MAN1B1: variants seen among roughly 807,000 people sequenced by gnomAD.
MAN1B1 encodes the protein endoplasmic reticulum mannosyl-oligosaccharide 1,2-alpha-mannosidase.
Under a neutral mutation model 75.5 loss-of-function variants are expected in MAN1B1, and 66 were observed. That is an observed-to-expected ratio of 0.87 (90% CI 0.72 to 1.07). The LOEUF (loss-of-function observed/expected upper bound fraction) is 1.07, where lower values mean the gene tolerates loss of function less well. Ranked by LOEUF, MAN1B1 falls within the 50% of genes least tolerant of loss-of-function variation. The pLI is 0.00. For synonymous variants in MAN1B1, 453 were observed against 382.8 expected (o/e 1.18, Z -2.14); for missense variants, 973 against 912.5 (o/e 1.07, Z -0.85).
In MAN1B1 at chr9:137,106,689, G is replaced by C; in HGVS notation, c.1446G>C (p.Gln482His). 1.2e-6 allele frequency: 2 copies of C among 1,613,428 alleles called. No homozygotes were observed. The highest frequency in any genetic ancestry group is 1.6e-4 in the Middle Eastern group (1 of 6,062). ...GTGAGATGACTGCTGGTGTCCACAG[G>C]CTGCTGGAAGACTACGTGGAAGCCA... is the stretch of plus-strand genomic sequence containing the variant. ...QWIQGGKQET[Q>H]LLEDYVEAIE... is the part of the protein sequence containing the mutation. Residue 482 changes from glutamine (Q) to histidine (H), a missense_variant and splice_region_variant, in exon 10 of 13, where the codon CAG becomes CAC. Transcript: ENST00000371589.
chr9:137,101,757 A>G lies in MAN1B1; in HGVS notation c.1254+85A>G, dbSNP rs868192075. On this transcript the variant is annotated intron_variant, in intron 8 of 12. Transcript: ENST00000371589. ...CAGCAGGTACTGTGTGTGTGTGTGT[A>G]TGTGCATGTGTGTTTTCAGGTTTTT... is the stretch of plus-strand genomic sequence containing the variant. 3 of 1,379,522 alleles carry G rather than the reference A, an allele frequency of 2.2e-6. 1 individual carries two copies. In the South Asian group the frequency reaches 3.7e-5, roughly 17 times the overall value. 85.5% of individuals were successfully genotyped at this position (1,379,522 alleles called of 1,614,324 possible).
At chr9:137,090,538 TTTTGA>T (rs1306092877) in intron 3 of MAN1B1, among the ~76,000 whole-genome samples, 1 of 151,514 alleles carries the variant, frequency 6.6e-6, no homozygotes, top group African/African-American at 2.4e-5. Context: ...CGTGGGGGTG[TTTTGA>T]TTTTTTTTTT....
At chr9:137,102,731 G>C in intron 8 of MAN1B1, 2 of 451,570 alleles carry the variant, frequency 4.4e-6, no homozygotes, top group South Asian at 1.6e-5. Context: ...TGCTGTTGCA[G>C]GCGTGCAGGT....
rs371585016 is a variant in MAN1B1 at position 137,099,918 on chromosome 9, G to C, written c.916+37G>C. 16 of 1,607,136 alleles carry C rather than the reference G, an allele frequency of 1.0e-5. No individual in the cohort carries two copies. The South Asian group carries it at 1.2e-4, about 12-fold the overall frequency. ...TTTCTGGGGAGGGGCTGAGCCCTCCGTGTGGGCCTCGTGTGCTGAGGCAGA... is the reference window on the plus strand; with the variant it reads ...TTTCTGGGGAGGGGCTGAGCCCTCCCTGTGGGCCTCGTGTGCTGAGGCAGA... On this transcript the variant is annotated intron_variant, in intron 6 of 12. Transcript: ENST00000371589.
chr9:137,093,967 A>G (rs1412393600), intron 3 of MAN1B1, among the ~76,000 whole-genome samples: 1 of 152,120 alleles, frequency 6.6e-6, no homozygotes, highest in Non-Finnish European at 1.5e-5. Context: ...AGTAAAACTC[A>G]GATGAACTTC....
rs1564281343 is a variant in MAN1B1 at position 137,099,708 on chromosome 9, A to AT, written c.744dup (p.Arg249SerfsTer7). The AT allele has an allele frequency of 6.2e-7, 1 of 1,614,226 alleles. No homozygotes were observed. Among genetic ancestry groups the AT allele is most frequent in the Admixed American group, 1.7e-5 (1 of 60,038 alleles). ...TCCCCCCTACTAGTGCATCTGAACTATCGCCAGAAGGGCGTGATTGACGTC... is the reference window on the plus strand; with the variant it reads ...TCCCCCCTACTAGTGCATCTGAACTATTCGCCAGAAGGGCGTGATTGACGTC... On this transcript the variant is annotated frameshift_variant, in exon 6 of 13. Coordinates refer to ENST00000371589, the MANE Select transcript of MAN1B1 (RefSeq NM_016219.5). LOFTEE classifies it high-confidence loss of function.
intron 3 of MAN1B1, among the ~76,000 whole-genome samples, chr9:137,093,701 G>T (rs889323683): frequency 2.0e-5 from 3 of 151,978 alleles, no homozygotes; most frequent in African/African-American, 7.2e-5. Flanking sequence ...GGGCGTGGTG[G>T]CAGGCACCTA....
At position 137,106,241 on chromosome 9, in the gene MAN1B1, G is replaced by A. The variant is rs765961813; in HGVS notation, c.1371G>A (p.Thr457=). 69 of 1,597,164 alleles carry A rather than the reference G, an allele frequency of 4.3e-5. No homozygotes were observed. Among genetic ancestry groups the A allele is most frequent in the East Asian group, 3.1e-4 (14 of 44,450 alleles). ...TCTTCACCCACCTGGGCGTATTCAC[G>A]CTGGGCGCCAGGGCCGACAGCTACT... is the stretch of plus-strand genomic sequence containing the variant. The part of the protein sequence containing the change: ...SGLFTHLGVF[T]LGARADSYYE... The change falls in exon 9 of 13, where the codon ACG becomes ACA. Residue 457 remains threonine (T), a synonymous_variant. Coordinates refer to ENST00000371589, the MANE Select transcript of MAN1B1 (RefSeq NM_016219.5).
intron 3 of MAN1B1, among the ~76,000 whole-genome samples, chr9:137,092,099 G>A (rs567290986): frequency 6.6e-5 from 10 of 152,074 alleles, no homozygotes; most frequent in Non-Finnish European, 1.0e-4. Context: ...ATGTGGCTGG[G>A]TATGGTGGCT....
rs115889896 is a variant in MAN1B1, at chr9:137,107,444, C to G, written c.1761C>G (p.Val587=). The G allele has an allele frequency of 5.8e-4, 932 of 1,613,362 alleles. 4 individuals carry two copies. In the African/African-American group the frequency reaches 0.011, roughly 20 times the overall value. Residue 587 remains valine, a synonymous_variant, in exon 11 of 13, where the codon GTC becomes GTG. Coordinates refer to ENST00000371589, the MANE Select transcript of MAN1B1 (RefSeq NM_016219.5). Reference sequence around the variant, plus strand: ...AGCCGGGCCGTCGGGACGTGGAGGTCAAGGTGGGCCTGGGCCTGGGTCAGG... The same window carrying G: ...AGCCGGGCCGTCGGGACGTGGAGGTGAAGGTGGGCCTGGGCCTGGGTCAGG... The part of the protein sequence containing the change: ...YPQPGRRDVE[V]KPADRHNLLR...
chr9:137,106,356 C>T (rs183131707), intron 9 of MAN1B1, 41 bp downstream of exon 9: 23 of 1,520,008 alleles, frequency 1.5e-5, no homozygotes, highest in East Asian at 9.9e-5. Flanking sequence ...GCGGCTCCCC[C>T]GTTCCCGCAG....
chr9:137,090,773 T>C (rs1830494562), intron 3 of MAN1B1, among the ~76,000 whole-genome samples: 1 of 152,090 alleles, frequency 6.6e-6, no homozygotes, highest in African/African-American at 2.4e-5. Flanking sequence ...TCCTGACCTC[T>C]TGATCTGCCC....
chr9:137,107,503 C>T, intron 11 of MAN1B1, 28 bp from the exon 12 acceptor site: 3 of 1,613,006 alleles, frequency 1.9e-6, no homozygotes, highest in Non-Finnish European at 1.7e-6. Flanking sequence ...CAGGGCTGGC[C>T]TTGCCCTGAG....
rs538804415 is a variant in MAN1B1 at position 137,087,116 on chromosome 9, ACCG to A, written c.132_134del (p.Pro45del). ...TCGCCACCACTGTAGTCATGTACCCACCGCCGCCGCCGCCGCCTCATCGGGACT... is the reference window on the plus strand; with the variant it reads ...TCGCCACCACTGTAGTCATGTACCCACCGCCGCCGCCGCCTCATCGGGACT... On this transcript the variant is annotated inframe_deletion, in exon 1 of 13. Transcript: ENST00000371589. 1.3e-5 allele frequency: 21 copies of A among 1,586,706 alleles called. No individual in the cohort carries two copies. The highest frequency in any genetic ancestry group is 8.9e-5 in the Admixed American group (5 of 55,960).
chr9:137,095,439 C>G lies in MAN1B1; in HGVS notation c.466-798C>G, dbSNP rs546004049. On this transcript the variant is annotated intron_variant, in intron 3 of 12. Coordinates refer to ENST00000371589, the MANE Select transcript of MAN1B1 (RefSeq NM_016219.5). ...AAGAAGTACAAAATTATGGCTTGTG[C>G]CGGGCATGTTGGCTGCAACCTGTCA... is the stretch of plus-strand genomic sequence containing the variant. Among the ~76,000 whole-genome samples the G allele has an allele frequency of 2.6e-5, 4 of 151,862 alleles. No homozygotes were observed. In the East Asian group the frequency reaches 7.8e-4, roughly 30 times the overall value.
In MAN1B1 at chr9:137,108,115, C is replaced by A. The variant is rs61091767; in HGVS notation, c.1897-273C>A. 0.021 allele frequency: 13,026 copies of A among 609,512 alleles called. 1,127 individuals are homozygous for A. The highest frequency in any genetic ancestry group is 0.2 in the African/African-American group (10,678 of 54,050). The allele number at this position is 609,512 out of a possible 1,614,324, so 37.8% of individuals were successfully genotyped here. On this transcript the variant is annotated intron_variant, in intron 12 of 12. Coordinates refer to ENST00000371589, the MANE Select transcript of MAN1B1 (RefSeq NM_016219.5). ...CTCCGCTCCCACCGTCTGCCCTGTG[C>A]CCTGTGCCCTGTGCGGCAACTGTGA... is the stretch of plus-strand genomic sequence containing the variant.
Position 137,101,150 on chromosome 9 carries a change from A to C in MAN1B1, c.1062A>C (p.Lys354Asn), listed in dbSNP as rs756197449. 1.2e-6 allele frequency: 2 copies of C among 1,613,824 alleles called. No individual in the cohort carries two copies. Among genetic ancestry groups the C allele is most frequent in the South Asian group, 2.2e-5 (2 of 91,050 alleles). ...CTGGGGACAGCCTCTTCCTGAGGAAAGCTGTAAGTGTCTTGGGGTGTCCTG... is the reference window on the plus strand; with the variant it reads ...CTGGGGACAGCCTCTTCCTGAGGAACGCTGTAAGTGTCTTGGGGTGTCCTG... ...HLSGDSLFLRKAEDFGNRLMP... is the reference protein window; with the variant it reads ...HLSGDSLFLRNAEDFGNRLMP... The change falls in exon 7 of 13, where the codon AAA becomes AAC. Residue 354 changes from lysine (K) to asparagine (N), a missense_variant. Physicochemically the swap from Lys to Asn is moderately conservative, Grantham distance 94. Coordinates refer to ENST00000371589, the MANE Select transcript of MAN1B1 (RefSeq NM_016219.5).
At chr9:137,101,755 G>A in intron 8 of MAN1B1, 83 bp downstream of exon 8, 6 of 1,372,818 alleles carry the variant, frequency 4.4e-6, no homozygotes, top group Non-Finnish European at 6.1e-6. Context: ...GTGTGTGTGT[G>A]TATGTGCATG....
chr9:137,087,701 G>A, intron 1 of MAN1B1: 1 of 406,272 alleles, frequency 2.5e-6, no homozygotes, highest in South Asian at 2.1e-5. Context: ...GGGAGTCGCA[G>A]GAGTCTTTCT....
Sources: allele counts gnomAD v4.1 joint callset (sites outside exome capture counted in the v4.1 genomes callset), GRCh38; gene constraint gnomAD v4.1.1; transcripts MANE v1.5; gene names NCBI Gene and HGNC (gene_info 2026-07-23, HGNC 2026-07-21).